SASS6: variants seen among roughly 807,000 people sequenced by gnomAD.
SASS6 encodes spindle assembly abnormal protein 6 homolog.
Under a neutral mutation model 94.9 loss-of-function variants are expected in SASS6, and 59 were observed. That is an observed-to-expected ratio of 0.62 (90% CI 0.50 to 0.77). The LOEUF (loss-of-function observed/expected upper bound fraction) is 0.77, where lower values mean the gene tolerates loss of function less well. Ranked by LOEUF, SASS6 falls within the 30% of genes least tolerant of loss-of-function variation. The pLI is 0.00. For missense variants in SASS6, 698 were observed against 734.1 expected, an observed-to-expected ratio of 0.95 and a Z score of 0.57; for synonymous variants, 264 against 270.0, an observed-to-expected ratio of 0.98 and a Z score of 0.22.
chr1:100,126,826 C>T (rs1371068989), intron 1 of SASS6, among the ~76,000 whole-genome samples: 2 of 152,112 alleles, frequency 1.3e-5, no homozygotes, highest in African/African-American at 4.8e-5. Flanking sequence ...TATTAGAATG[C>T]TTTGAATGTT....
chr1:100,093,434 G>A (rs752036973), intron 14 of SASS6, among the ~76,000 whole-genome samples: 4 of 152,108 alleles, frequency 2.6e-5, no homozygotes, highest in Non-Finnish European at 4.4e-5. Context: ...GACTTAGGAC[G>A]TAGTCTATCT....
At chr1:100,121,700 A>G (rs1461830684) in intron 4 of SASS6, 151 bp from the exon 5 acceptor site, 2 of 528,282 alleles carry the variant, frequency 3.8e-6, no homozygotes, top group African/African-American at 4.0e-5. Context: ...AAAAAAGAAA[A>G]GATTGACTGA....
At chr1:100,123,072 A>G (rs1004459303) in intron 3 of SASS6, 138 bp downstream of exon 3, 1 of 476,978 alleles carries the variant, frequency 2.1e-6, no homozygotes, top group East Asian at 3.9e-5. Context: ...CACCCTAAGT[A>G]AAGATAGTAC....
At chr1:100,110,011 G>T (rs1225408359) in intron 8 of SASS6, among the ~76,000 whole-genome samples, 1 of 151,868 alleles carries the variant, frequency 6.6e-6, no homozygotes, top group African/African-American at 2.4e-5. Flanking sequence ...TGAAATACAG[G>T]TGCTGTGTTA....
rs61812584 is a variant in SASS6, at chr1:100,122,255, C to A, written c.311+125G>T. 4,608 of 483,906 alleles carry A rather than the reference C, an allele frequency of 9.5e-3. 40 individuals carry two copies. The highest frequency in any genetic ancestry group is 0.014 in the Middle Eastern group (25 of 1,840). 30.0% of individuals were successfully genotyped at this position (483,906 alleles called of 1,614,324 possible). On this transcript the variant is annotated intron_variant, in intron 4 of 16. Coordinates refer to ENST00000287482, the MANE Select transcript of SASS6 (RefSeq NM_194292.3). ...AGTCTGAGATTTAATGGAGGCCTAA[C>A]CCCAGTTCTAAAAATAAACAGGGAT...
rs762549545 is a variant in SASS6 at position 100,107,841 on chromosome 1, T to G, written c.1025A>C (p.Lys342Thr). Residue 342 changes from lysine to threonine, a missense_variant, in exon 9 of 17, where the codon AAA (lysine) becomes ACA (threonine). Coordinates refer to ENST00000287482, the MANE Select transcript of SASS6 (RefSeq NM_194292.3). Reference protein sequence around the residue: ...KDKDQLVLRTKEAFDTIQEQK... With the variant: ...KDKDQLVLRTTEAFDTIQEQK... Reference sequence around the variant, plus strand: ...TTCCTGGATTGTATCAAATGCCTCTTTTGTTCTTAAAACAAGCTGGTCCTT... The same window carrying G: ...TTCCTGGATTGTATCAAATGCCTCTGTTGTTCTTAAAACAAGCTGGTCCTT... The G allele has an allele frequency of 6.2e-7, 1 of 1,612,716 alleles. No homozygotes were observed. Among genetic ancestry groups the G allele is most frequent in the South Asian group, 1.1e-5 (1 of 90,956 alleles).
intron 2 of SASS6, among the ~76,000 whole-genome samples, chr1:100,123,998 T>C (rs1441983292): frequency 6.6e-6 from 1 of 152,210 alleles, no homozygotes; most frequent in Non-Finnish European, 1.5e-5. Context: ...AAAAACAGCA[T>C]TAGTTACAAG....
chr1:100,100,365 T>C (rs564472423), intron 14 of SASS6, among the ~76,000 whole-genome samples: 3 of 152,332 alleles, frequency 2.0e-5, no homozygotes, highest in South Asian at 2.1e-4. Context: ...GTAAGCACCA[T>C]AGTGTCAGGG....
intron 12 of SASS6, among the ~76,000 whole-genome samples, chr1:100,106,663 G>A (rs1652932941): frequency 6.6e-6 from 1 of 152,124 alleles, no homozygotes; most frequent in Non-Finnish European, 1.5e-5. Flanking sequence ...ACCAGCCTGG[G>A]CAACATGATA....
intron 12 of SASS6, 112 bp from the exon 13 acceptor site, chr1:100,106,015 T>A: frequency 2.9e-6 from 2 of 698,354 alleles, no homozygotes; most frequent in Non-Finnish European, 4.3e-6. Flanking sequence ...TTTTTACAAC[T>A]ACCTGACATC....
At chr1:100,132,573 A>G (rs1449742847) in intron 1 of SASS6, among the ~76,000 whole-genome samples, 177 bp downstream of exon 1, 2 of 152,044 alleles carry the variant, frequency 1.3e-5, no homozygotes, top group Non-Finnish European at 2.9e-5. Flanking sequence ...TCCCCTCTGC[A>G]ACGGCCGACT....
Position 100,085,392 on chromosome 1 carries a change from G to C in SASS6, c.1910C>G (p.Ser637Cys), listed in dbSNP as rs759847324. The C allele has an allele frequency of 1.2e-6, 2 of 1,613,724 alleles. No individual in the cohort carries two copies. Among genetic ancestry groups the C allele is most frequent in the Admixed American group, 1.7e-5 (1 of 60,012 alleles). The change falls in exon 17 of 17, where the codon TCC (serine) becomes TGC (cysteine). Residue 637 changes from serine (S) to cysteine (C), a missense_variant. By Grantham distance (112) the Ser-to-Cys change is moderately radical (BLOSUM62 -1). Coordinates refer to ENST00000287482, the MANE Select transcript of SASS6 (RefSeq NM_194292.3). Reference sequence around the variant, plus strand: ...CGCAGAGGGGAGCGCTGTGGGTTTGGAAGATGTATGTAATGCTCCTAAAGT... The same window carrying C: ...CGCAGAGGGGAGCGCTGTGGGTTTGCAAGATGTATGTAATGCTCCTAAAGT... ...DGTLGALHTS[S>C]KPTALPSASS...
At chr1:100,122,859 T>A (rs1332751161) in intron 3 of SASS6, among the ~76,000 whole-genome samples, 1 of 152,158 alleles carries the variant, frequency 6.6e-6, no homozygotes, top group Admixed American at 6.5e-5. Flanking sequence ...CCAATTACTA[T>A]CTTTAATTAT....
At chr1:100,113,177 A>C (rs192413116) in intron 7 of SASS6, among the ~76,000 whole-genome samples, 7 of 152,350 alleles carry the variant, frequency 4.6e-5, no homozygotes, top group African/African-American at 1.4e-4. Context: ...CTTATTGAGT[A>C]CTATGTTTAC....
intron 3 of SASS6, among the ~76,000 whole-genome samples, 154 bp from the exon 4 acceptor site, chr1:100,122,638 T>G (rs1040090950): frequency 4.2e-5 from 6 of 141,228 alleles, no homozygotes; most frequent in Non-Finnish European, 9.1e-5. Context: ...CTGCAACCTC[T>G]GCCTCCCAGG....
intron 14 of SASS6, among the ~76,000 whole-genome samples, chr1:100,092,007 C>CAAAA (rs34503110): frequency 6.8e-4 from 34 of 50,012 alleles, no homozygotes; most frequent in East Asian, 5.8e-3. Context: ...GACCCTGTCT[C>CAAAA]AAAAAAAAAA....
In SASS6 at chr1:100,103,482, T is replaced by A. The variant is rs116616755; in HGVS notation, c.1546-399A>T. On this transcript the variant is annotated intron_variant, in intron 13 of 16. Coordinates refer to ENST00000287482, the MANE Select transcript of SASS6 (RefSeq NM_194292.3). ...TCAGACTGCATAAAAACAAGATCAG[T>A]GTTCTTAAATGGACTAATTGAGACA... Among the ~76,000 whole-genome samples the A allele has an allele frequency of 3.9e-3, 590 of 152,304 alleles. 9 individuals are homozygous for A. Among genetic ancestry groups the A allele is most frequent in the African/African-American group, 0.014 (564 of 41,554 alleles).
chr1:100,128,300 G>C (rs571063063), intron 1 of SASS6, among the ~76,000 whole-genome samples: 1 of 152,294 alleles, frequency 6.6e-6, no homozygotes, highest in African/African-American at 2.4e-5. Flanking sequence ...GCCTCCCAAA[G>C]TGATAGCAGT....
intron 13 of SASS6, among the ~76,000 whole-genome samples, chr1:100,104,389 C>T (rs1295649661): frequency 2.6e-5 from 4 of 152,148 alleles, no homozygotes; most frequent in Non-Finnish European, 5.9e-5. Flanking sequence ...AGGTAAGCTC[C>T]TAGCAGCACC....
Sources: allele counts gnomAD v4.1 joint callset (sites outside exome capture counted in the v4.1 genomes callset), GRCh38; gene constraint gnomAD v4.1.1; transcripts MANE v1.5; gene names NCBI Gene and HGNC (gene_info 2026-07-23, HGNC 2026-07-21).